Variants in NCK2 observed in about 807,000 individuals in gnomAD.
NCK2 encodes NCK adaptor protein 2.
Under a neutral mutation model 33.9 loss-of-function variants are expected in NCK2, and 16 were observed. The ratio of observed to expected loss-of-function variants is 0.47; its 90% CI spans 0.32 to 0.72. NCK2 has a LOEUF of 0.72. Among genes scored for constraint, NCK2 ranks in the 30% least tolerant of loss-of-function variants. The probability of loss-of-function intolerance (pLI) is 0.03; values close to 1 mark genes in which losing one functional copy is unlikely to be tolerated. For synonymous variants in NCK2, 273 were observed against 239.9 expected (o/e 1.14, Z -1.27); for missense variants, 418 against 537.3 (o/e 0.78, Z 2.19).
chr2:105,785,905 T>C (rs961420573), intron 1 of NCK2, among the ~76,000 whole-genome samples: 3 of 152,172 alleles, frequency 2.0e-5, no homozygotes, highest in African/African-American at 7.2e-5. Flanking sequence ...TTGGTCTAGA[T>C]GATGGTCCAG....
intron 1 of NCK2, among the ~76,000 whole-genome samples, chr2:105,769,674 G>C (rs956929475): frequency 2.6e-5 from 4 of 152,140 alleles, no homozygotes; most frequent in African/African-American, 9.7e-5. Context: ...GCCAAGAAGG[G>C]CCAGGGGTCC....
intron 2 of NCK2, among the ~76,000 whole-genome samples, chr2:105,840,113 A>G (rs1323102562): frequency 6.6e-6 from 1 of 152,168 alleles, no homozygotes; most frequent in Admixed American, 6.5e-5. Flanking sequence ...TATCCCCTCT[A>G]TAAAGGAGAG....
chr2:105,744,765 C>A (rs1689202797), upstream of NCK2: 3 of 150,066 alleles, frequency 2.0e-5, no homozygotes, highest in South Asian at 3.7e-4. Flanking sequence ...CGCGCCCGGG[C>A]CTGGGCCGGC....
intron 1 of NCK2, among the ~76,000 whole-genome samples, chr2:105,772,259 C>A (rs1469971243): frequency 6.6e-6 from 1 of 152,130 alleles, no homozygotes; most frequent in African/African-American, 2.4e-5. Flanking sequence ...TGATTTTTAA[C>A]TTTCTCAAGG....
At chr2:105,795,529 T>G (rs1691048407) in intron 1 of NCK2, among the ~76,000 whole-genome samples, 1 of 152,220 alleles carries the variant, frequency 6.6e-6, no homozygotes, top group Admixed American at 6.5e-5. Flanking sequence ...GATATTCCTG[T>G]CTTATTTTTG....
chr2:105,891,566 T>TGAGA lies in NCK2; in HGVS notation c.949-1416_949-1415insGAGA, dbSNP rs1678982896. On this transcript the variant is annotated intron_variant, in intron 4 of 4. Coordinates refer to ENST00000233154, the MANE Select transcript of NCK2 (RefSeq NM_003581.5). ...TTTTTTTTTTTTTTTTTTTTTTTTT[T>TGAGA]TTGAGATTTTTCGCTCTTGTTGCCC... 2.7e-4 allele frequency among the ~76,000 whole-genome samples: 3 copies of TGAGA among 11,012 alleles called. 1 individual carries two copies. The highest frequency in any genetic ancestry group is 0.013 in the East Asian group (2 of 152). The allele number at this position is 11,012 out of a possible 152,430, so 7.2% of individuals were successfully genotyped here.
At chr2:105,784,558 C>T (rs1424098059) in intron 1 of NCK2, among the ~76,000 whole-genome samples, 2 of 152,190 alleles carry the variant, frequency 1.3e-5, no homozygotes, top group Non-Finnish European at 2.9e-5. Flanking sequence ...GAGATGTATT[C>T]AGGTCTTTAC....
At chr2:105,842,256 T>C (rs558996423) in intron 2 of NCK2, among the ~76,000 whole-genome samples, 1 of 152,198 alleles carries the variant, frequency 6.6e-6, no homozygotes, top group Admixed American at 6.5e-5. Context: ...GCTAACTTTT[T>C]TGTATTTTTA....
At chr2:105,823,959 G>A (rs982219646) in intron 2 of NCK2, among the ~76,000 whole-genome samples, 3 of 152,056 alleles carry the variant, frequency 2.0e-5, no homozygotes, top group Non-Finnish European at 4.4e-5. Flanking sequence ...CCCATGGTCC[G>A]GAGCAGTCCC....
In NCK2 at chr2:105,821,466, T is replaced by A. The variant is rs1675735994; in HGVS notation, c.-17+4853T>A. Among the ~76,000 whole-genome samples, 7 of 152,302 alleles carry A rather than the reference T, an allele frequency of 4.6e-5. No individual in the cohort carries two copies. The South Asian group carries it at 1.4e-3, about 32-fold the overall frequency. On this transcript the variant is annotated intron_variant, in intron 2 of 4. Coordinates refer to ENST00000233154, the MANE Select transcript of NCK2 (RefSeq NM_003581.5). ...ATCTGGGGGAACAGTCTCTGCAGTT[T>A]GGACTGATTGTTTCTTCTGTACAGT...
intron 3 of NCK2, among the ~76,000 whole-genome samples, chr2:105,861,659 T>C (rs1450619555): frequency 1.3e-5 from 2 of 151,756 alleles, no homozygotes; most frequent in Non-Finnish European, 2.9e-5. Flanking sequence ...GGACTACAGG[T>C]GTGTATCACC....
intron 2 of NCK2, among the ~76,000 whole-genome samples, chr2:105,832,863 TGTTTC>T (rs1216599152): frequency 6.6e-6 from 1 of 151,744 alleles, no homozygotes; most frequent in Non-Finnish European, 1.5e-5. Context: ...TTTTTTATTT[TGTTTC>T]GTTTCGTTTT....
intron 1 of NCK2, among the ~76,000 whole-genome samples, chr2:105,799,681 G>A (rs1267812235): frequency 6.6e-6 from 1 of 152,192 alleles, no homozygotes; most frequent in Non-Finnish European, 1.5e-5. Flanking sequence ...TAATTACCAT[G>A]TTTACATAAA....
At chr2:105,854,145 T>C (rs1342665327) in intron 2 of NCK2, 1 of 152,246 alleles carries the variant, frequency 6.6e-6, no homozygotes, top group Non-Finnish European at 1.5e-5. Context: ...CCTAGCAATA[T>C]GCGTTTAAGG....
At position 105,872,502 on chromosome 2, in the gene NCK2, G is replaced by A. The variant is rs148950735; in HGVS notation, c.227-8826G>A. 2.6e-4 allele frequency among the ~76,000 whole-genome samples: 39 copies of A among 152,236 alleles called. 1 individual carries two copies. Among genetic ancestry groups the A allele is most frequent in the Admixed American group, 2.2e-3 (34 of 15,294 alleles). On this transcript the variant is annotated intron_variant, in intron 3 of 4. Coordinates refer to ENST00000233154, the MANE Select transcript of NCK2 (RefSeq NM_003581.5). ...TCCCTGACCTCCTCCTCTTTATTGC[G>A]ATTGTCACCGTTGGTCATCTGCAAC...
chr2:105,858,023 G>GT (rs1337003673), intron 3 of NCK2, among the ~76,000 whole-genome samples: 2 of 146,728 alleles, frequency 1.4e-5, no homozygotes, highest in East Asian at 4.0e-4. Context: ...TTTGTGTTTT[G>GT]TTTTTTGTTC....
intron 4 of NCK2, among the ~76,000 whole-genome samples, chr2:105,889,981 AC>A (rs1260120163): frequency 6.6e-6 from 1 of 152,014 alleles, no homozygotes; most frequent in Non-Finnish European, 1.5e-5. Context: ...TCATCTTCAC[AC>A]TTCACTTAGA....
intron 1 of NCK2, among the ~76,000 whole-genome samples, chr2:105,752,654 G>T (rs1262518942): frequency 6.6e-6 from 1 of 152,090 alleles, no homozygotes; most frequent in African/African-American, 2.4e-5. Context: ...AACATACATT[G>T]TACCCATTGA....
intron 1 of NCK2, among the ~76,000 whole-genome samples, chr2:105,812,845 A>G (rs1488743220): frequency 6.7e-6 from 1 of 149,034 alleles, no homozygotes; most frequent in African/African-American, 2.5e-5. Context: ...CTGTGCTAAC[A>G]TCTAAGAGAA....
Sources: allele counts gnomAD v4.1 joint callset (sites outside exome capture counted in the v4.1 genomes callset), GRCh38; gene constraint gnomAD v4.1.1; transcripts MANE v1.5; gene names NCBI Gene and HGNC (gene_info 2026-07-23, HGNC 2026-07-21).